The following RORC variants were observed in gnomAD, a reference collection of about 807,000 sequenced individuals.
RORC encodes RAR related orphan receptor C.
A neutral mutation model predicts 64.5 loss-of-function variants in RORC; 13 were observed. That is an observed-to-expected ratio of 0.20 (90% confidence interval 0.13 to 0.32). The LOEUF (loss-of-function observed/expected upper bound fraction) is 0.32. Among genes scored for constraint, RORC ranks in the 10% least tolerant of loss-of-function variants. The pLI, the probability that RORC is intolerant of heterozygous loss-of-function variation, is 1.00. For synonymous variants in RORC, 277 were observed against 259.3 expected (o/e 1.07, Z -0.65); for missense variants, 468 against 669.5 (o/e 0.70, Z 3.32).
intron 1 of RORC, chr1:151,831,165 G>A (rs1376176172): frequency 4.0e-6 from 5 of 1,239,694 alleles, no homozygotes; most frequent in Admixed American, 2.5e-5. Flanking sequence ...CCCTGGGTGA[G>A]TGGCGAGGAA....
chr1:151,830,303 G>A lies in RORC; in HGVS notation c.41-845C>T, dbSNP rs1312741408. ...ATGAGTGGGTCGATGGGGGTCACAT[G>A]GATACTCGGACCTCCAGGGGGAGCA... On this transcript the variant is annotated intron_variant, in intron 1 of 10. Coordinates refer to ENST00000318247, the MANE Select transcript of RORC (RefSeq NM_005060.4). The surrounding 1 kb of genome is among the most constrained non-coding windows in gnomAD (Gnocchi z 4.0). Among the ~76,000 whole-genome samples, 3 of 151,980 alleles carry A rather than the reference G, an allele frequency of 2.0e-5. No individual in the cohort carries two copies. The highest frequency in any genetic ancestry group is 7.3e-5 in the African/African-American group (3 of 41,360).
rs147169662 is a variant in RORC at position 151,824,637 on chromosome 1, C to G, written c.70+4792G>C. On this transcript the variant is annotated intron_variant, in intron 2 of 10. Transcript: ENST00000318247. ...GGAATTCTTTTCTTTCCTTGGTTTC[C>G]CTTCCTTCTAACCTCTGGGAGAGCT... Among the ~76,000 whole-genome samples the G allele has an allele frequency of 7.8e-3, 1,191 of 152,300 alleles. 16 individuals are homozygous for G. The highest frequency in any genetic ancestry group is 0.026 in the African/African-American group (1,094 of 41,550).
At position 151,815,001 on chromosome 1, in the gene RORC, A is replaced by C. The variant is rs778799962; in HGVS notation, c.723T>G (p.Leu241=). Residue 241 remains leucine, a synonymous_variant, in exon 5 of 11, where the codon CTT becomes CTG. Transcript: ENST00000318247. ...TGTCTGGGCCCTGTCCCAGTTCCCC[A>C]AGCCCAGGATGCCTGTGTTCCTCAA... is the stretch of plus-strand genomic sequence containing the variant. ...LRFEEHRHPG[L]GELGQGPDSY... The C allele has an allele frequency of 4.3e-6, 7 of 1,614,176 alleles. No homozygotes were observed. Among genetic ancestry groups the C allele is most frequent in the Non-Finnish European group, 5.9e-6 (7 of 1,180,030 alleles).
intron 2 of RORC, among the ~76,000 whole-genome samples, chr1:151,820,849 A>G (rs934475808): frequency 6.6e-6 from 1 of 152,196 alleles, no homozygotes; most frequent in African/African-American, 2.4e-5. Context: ...TACTTTGAGT[A>G]GCAAGAACTT....
At chr1:151,829,059 C>G (rs946501380) in intron 2 of RORC, among the ~76,000 whole-genome samples, 2 of 152,028 alleles carry the variant, frequency 1.3e-5, no homozygotes, top group Admixed American at 6.5e-5. Context: ...CTGAGGCCAC[C>G]CCGCCTCCGC....
intron 2 of RORC, among the ~76,000 whole-genome samples, chr1:151,828,089 C>T (rs1272893861): frequency 6.6e-6 from 1 of 152,156 alleles, no homozygotes; most frequent in Non-Finnish European, 1.5e-5. Context: ...GCAACCCCCA[C>T]CCAGGAGGAG....
At chr1:151,823,368 G>A (rs1652067348) in intron 2 of RORC, among the ~76,000 whole-genome samples, 1 of 152,220 alleles carries the variant, frequency 6.6e-6, no homozygotes, top group African/African-American at 2.4e-5. Flanking sequence ...TGCCCTTAGG[G>A]GAAGATGTCT....
intron 4 of RORC, among the ~76,000 whole-genome samples, chr1:151,816,082 CA>C (rs1039062172): frequency 2.0e-5 from 3 of 152,140 alleles, no homozygotes; most frequent in African/African-American, 7.2e-5. Context: ...TCTGGCTCCT[CA>C]TCACCTCATG....
At chr1:151,810,917 A>G (rs1233788354) in intron 10 of RORC, among the ~76,000 whole-genome samples, 2 of 152,144 alleles carry the variant, frequency 1.3e-5, no homozygotes, top group Non-Finnish European at 2.9e-5. Flanking sequence ...CACTCTGTTA[A>G]TTGCATTATT....
intron 2 of RORC, among the ~76,000 whole-genome samples, chr1:151,821,397 C>T (rs1456106940): frequency 3.3e-5 from 5 of 152,180 alleles, no homozygotes; most frequent in Non-Finnish European, 5.9e-5. Context: ...AGAGCTGGGC[C>T]TTTTCCTCTC....
chr1:151,830,993 C>T lies in RORC; in HGVS notation c.40+732G>A, dbSNP rs1444437350. The T allele has an allele frequency of 7.8e-7, 1 of 1,289,214 alleles. No individual in the cohort carries two copies. The highest frequency in any genetic ancestry group is 1.0e-6 in the Non-Finnish European group (1 of 988,808). 79.9% of individuals were successfully genotyped at this position (1,289,214 alleles called of 1,614,324 possible). A position where few individuals can be genotyped will look rare whatever the true frequency, so the allele number is the denominator to read the frequency against. ...TTGGTGGCTCTGGCCCTCAAACTTT[C>T]CTCCTCCATGCTCACAGCTGACCAA... On this transcript the variant is annotated intron_variant, in intron 1 of 10. Transcript: ENST00000318247. This position sits in a 1 kb window ranked among gnomAD's most constrained non-coding sequence, Gnocchi z 4.0.
intron 4 of RORC, 77 bp from the exon 5 acceptor site, chr1:151,815,502 A>G: frequency 2.0e-6 from 3 of 1,478,400 alleles, no homozygotes; most frequent in Non-Finnish European, 2.7e-6. Context: ...GCATTTGGTC[A>G]TTAAAGGATT....
chr1:151,821,762 G>A (rs1652002105), intron 2 of RORC, among the ~76,000 whole-genome samples: 1 of 152,156 alleles, frequency 6.6e-6, no homozygotes, highest in Admixed American at 6.5e-5. Context: ...AGAGGACATG[G>A]TTATTTGGCT....
In RORC at chr1:151,807,499, G is replaced by A. The variant is rs200482554; in HGVS notation, c.1530C>T (p.Thr510=). 1.4e-4 allele frequency: 224 copies of A among 1,614,194 alleles called. 2 individuals are homozygous for A. In the South Asian group the frequency reaches 1.8e-3, roughly 13 times the overall value. The change falls in exon 11 of 11, where the codon ACC becomes ACT. Residue 510 remains threonine, a synonymous_variant. Coordinates refer to ENST00000318247, the MANE Select transcript of RORC (RefSeq NM_005060.4). The surrounding 1 kb of genome is among the most constrained non-coding windows in gnomAD (Gnocchi z 5.0). ...ACTTGGACAGCCCCACAGGTGACTC[G>A]GTTTCAGTGCTGAAGAGCTCCTTGT... ...PLYKELFSTE[T]ESPVGLSK
chr1:151,826,492 C>A (rs1424767416), intron 2 of RORC, among the ~76,000 whole-genome samples: 2 of 152,230 alleles, frequency 1.3e-5, no homozygotes, highest in Admixed American at 1.3e-4. Flanking sequence ...TGCCACCTGA[C>A]ACCCTGTGGA....
chr1:151,813,855 A>C, intron 6 of RORC: 1 of 525,904 alleles, frequency 1.9e-6, no homozygotes, highest in East Asian at 3.2e-5. Context: ...GGGAATCCAA[A>C]AAGTATGAGA....
At chr1:151,809,649 C>T (rs528411609) in intron 10 of RORC, among the ~76,000 whole-genome samples, 48 of 152,142 alleles carry the variant, frequency 3.2e-4, no homozygotes, top group African/African-American at 1.1e-3. Flanking sequence ...CAGATCCAAC[C>T]GGATGTGCTT....
intron 3 of RORC, 28 bp from the exon 4 acceptor site, chr1:151,816,833 T>C (rs1651772376): frequency 6.7e-7 from 1 of 1,498,466 alleles, no homozygotes; most frequent in Non-Finnish European, 8.9e-7. Context: ...AGGGCAAGAC[T>C]GCTTATCCTG....
rs150800552 is a variant in RORC, at chr1:151,811,199, C to T, written c.1395+126G>A. On this transcript the variant is annotated intron_variant, in intron 10 of 10. Transcript: ENST00000318247. The stretch of plus-strand genomic sequence containing the variant: ...CCTTAGTTCCCACTGCTGATGCAAG[C>T]TCTCTAACAGAGAGTGGTACTCCCG... 2.7e-5 allele frequency: 15 copies of T among 546,700 alleles called. 1 individual carries two copies. In the Middle Eastern group the frequency reaches 4.1e-3, roughly 151 times the overall value. The allele number at this position is 546,700 out of a possible 1,614,324, so 33.9% of individuals were successfully genotyped here.
Sources: allele counts gnomAD v4.1 joint callset (sites outside exome capture counted in the v4.1 genomes callset), GRCh38; gene constraint gnomAD v4.1.1; non-coding constraint Gnocchi (gnomAD v3.1); transcripts MANE v1.5; gene names NCBI Gene and HGNC (gene_info 2026-07-23, HGNC 2026-07-21).